The following KAZN variants were observed in gnomAD, a reference collection of about 807,000 sequenced individuals.
KAZN encodes the protein kazrin, periplakin interacting protein, also known as kazrin.
A neutral mutation model predicts 87.4 loss-of-function variants in KAZN; 40 were observed. That is an observed-to-expected ratio of 0.46 (90% CI 0.36 to 0.60). The LOEUF is 0.60. Ranked by LOEUF, KAZN falls within the 20% of genes least tolerant of loss-of-function variation. KAZN has a pLI of 0.00. For synonymous variants in KAZN, 466 were observed against 458.3 expected, an observed-to-expected ratio of 1.02 and a Z score of -0.22; for missense variants, 898 against 1,073.9, an observed-to-expected ratio of 0.84 and a Z score of 2.29.
At chr1:14,216,155 G>A (rs553682971) in intron 2 of KAZN, among the ~76,000 whole-genome samples, 13 of 152,080 alleles carry the variant, frequency 8.5e-5, no homozygotes, top group African/African-American at 3.1e-4. Context: ...AGCAACAAGG[G>A]CCCACATTAT....
At chr1:14,019,204 A>G (rs1196539141) in intron 1 of KAZN, among the ~76,000 whole-genome samples, 2 of 152,220 alleles carry the variant, frequency 1.3e-5, no homozygotes, top group Non-Finnish European at 2.9e-5. Flanking sequence ...GATGCTTGAA[A>G]AACACCATAT....
chr1:14,580,190 T>C (rs1236484418), intron 2 of KAZN, among the ~76,000 whole-genome samples: 2 of 152,146 alleles, frequency 1.3e-5, no homozygotes, highest in Non-Finnish European at 2.9e-5. Flanking sequence ...TTAAAGTATA[T>C]TGAGGCCAGG....
chr1:14,670,247 G>T (rs1279913347), intron 1 of KAZN, among the ~76,000 whole-genome samples: 1 of 152,060 alleles, frequency 6.6e-6, no homozygotes, highest in African/African-American at 2.4e-5. Flanking sequence ...CCCCAGAGGT[G>T]CAAGCCCACC....
chr1:14,660,101 G>A (rs1014135163), intron 1 of KAZN, among the ~76,000 whole-genome samples: 1 of 152,078 alleles, frequency 6.6e-6, no homozygotes, highest in South Asian at 2.1e-4. Context: ...TTGATAATGC[G>A]ATTAGGGCCT....
chr1:13,975,352 C>T (rs1387511196), intron 1 of KAZN, among the ~76,000 whole-genome samples: 1 of 152,192 alleles, frequency 6.6e-6, no homozygotes, highest in East Asian at 1.9e-4. Context: ...TAAAAAAGGT[C>T]TCTTTATTCT....
At chr1:14,438,921 C>T (rs1666548371) in intron 2 of KAZN, among the ~76,000 whole-genome samples, 1 of 152,194 alleles carries the variant, frequency 6.6e-6, no homozygotes, top group African/African-American at 2.4e-5. Context: ...TCCACCTCTT[C>T]TAACAGGTCT....
intron 2 of KAZN, among the ~76,000 whole-genome samples, chr1:14,588,728 C>T (rs1166653875): frequency 1.3e-5 from 2 of 152,218 alleles, no homozygotes; most frequent in Non-Finnish European, 2.9e-5. Context: ...CTGGATCTGT[C>T]TTTCTTTTCT....
intron 1 of KAZN, among the ~76,000 whole-genome samples, chr1:14,063,942 G>A (rs999156714): frequency 6.2e-5 from 9 of 145,048 alleles, no homozygotes; most frequent in Admixed American, 2.7e-4. Flanking sequence ...GTGAATCTAC[G>A]AAACCTCTCT....
intron 2 of KAZN, among the ~76,000 whole-genome samples, chr1:14,221,489 C>T (rs776824160): frequency 6.6e-5 from 10 of 151,754 alleles, no homozygotes; most frequent in Admixed American, 1.3e-4. Context: ...AAGTTGCCTC[C>T]GAGAAGGGAA....
rs551169665 is a variant in KAZN, at chr1:14,827,639, G to A, written c.227-133045G>A. Among the ~76,000 whole-genome samples the A allele has an allele frequency of 5.8e-3, 890 of 152,344 alleles. 6 individuals carry two copies. The highest frequency in any genetic ancestry group is 0.01 in the Middle Eastern group (3 of 294). On this transcript the variant is annotated intron_variant, in intron 1 of 14. Transcript: ENST00000376030. The stretch of plus-strand genomic sequence containing the variant: ...TGGGAAAGAGGGAGTGGGTCCCAGA[G>A]AGGAGCCCTCGAAGCAGGCCCCAGA...
intron 14 of KAZN, 132 bp downstream of exon 14, chr1:15,112,673 CAGGACAGATGCCCTGGATGTACCTTCA>C: frequency 1.6e-6 from 1 of 628,352 alleles, no homozygotes; most frequent in East Asian, 2.8e-5. Flanking sequence ...CGGGGGCATC[CAGGACAGATGCCCTGGATGTACCTTCA>C]AGGAACCTTC....
intron 2 of KAZN, among the ~76,000 whole-genome samples, chr1:14,380,898 C>T (rs1269969798): frequency 6.6e-6 from 1 of 152,148 alleles, no homozygotes; most frequent in Non-Finnish European, 1.5e-5. Flanking sequence ...AGCAGTTTAA[C>T]CCAAAGAAGA....
chr1:14,501,405 T>A (rs1670243884), intron 2 of KAZN, among the ~76,000 whole-genome samples: 1 of 152,154 alleles, frequency 6.6e-6, no homozygotes, highest in African/African-American at 2.4e-5. Flanking sequence ...AACAAATAAG[T>A]TCAACGAAGT....
chr1:14,850,287 T>C (rs1649287742), intron 1 of KAZN, among the ~76,000 whole-genome samples: 1 of 152,170 alleles, frequency 6.6e-6, no homozygotes, highest in Non-Finnish European at 1.5e-5. Context: ...CTTCAAAATG[T>C]GAATGTGCTG....
chr1:14,862,769 C>T (rs1446176569), intron 1 of KAZN, among the ~76,000 whole-genome samples: 3 of 152,136 alleles, frequency 2.0e-5, no homozygotes, highest in Non-Finnish European at 4.4e-5. Flanking sequence ...CATATATATT[C>T]GGGATGTGCT....
chr1:14,092,092 C>CT (rs869248379), intron 1 of KAZN, among the ~76,000 whole-genome samples: 3,117 of 129,062 alleles, frequency 0.024, 92 homozygotes, highest in African/African-American at 0.059. Context: ...ATTTTCTTTT[C>CT]TTTTTTTTTT....
At chr1:14,786,327 C>CTTCAAGGCTTCAAGGTCAT (rs1645507726) in intron 1 of KAZN, among the ~76,000 whole-genome samples, 1 of 152,198 alleles carries the variant, frequency 6.6e-6, no homozygotes, top group Admixed American at 6.5e-5. Flanking sequence ...CCAGGCAATG[C>CTTCAAGGCTTCAAGGTCAT]TGTCATTGGC....
chr1:14,965,837 A>G (rs1033193388), intron 2 of KAZN, among the ~76,000 whole-genome samples: 1 of 152,168 alleles, frequency 6.6e-6, no homozygotes, highest in African/African-American at 2.4e-5. Context: ...TTTTGCTCAT[A>G]TGGTTTAGAT....
intron 1 of KAZN, among the ~76,000 whole-genome samples, chr1:14,745,016 T>C (rs977540699): frequency 2.0e-5 from 3 of 152,136 alleles, no homozygotes; most frequent in Non-Finnish European, 4.4e-5. Context: ...TTACTACAGA[T>C]AGACCTTGAA....
Sources: gnomAD v4.1 joint callset for allele counts (sites outside exome capture counted in the v4.1 genomes callset) on GRCh38, gnomAD v4.1.1 for gene constraint, MANE v1.5 for transcripts, NCBI Gene and HGNC (gene_info 2026-07-23, HGNC 2026-07-21) for gene names.